IL12RB2: variants seen among roughly 807,000 people sequenced by gnomAD.
The protein encoded by IL12RB2 is interleukin 12 receptor subunit beta 2.
IL12RB2 carries 82 observed loss-of-function variants against 89.4 expected under a neutral mutation model. That is an observed-to-expected ratio of 0.92 (90% confidence interval 0.77 to 1.10). The LOEUF (loss-of-function observed/expected upper bound fraction) is 1.10, where lower values mean the gene tolerates loss of function less well. IL12RB2 is among the 50% of genes least tolerant of loss of function. The probability of loss-of-function intolerance (pLI) is 0.00; values close to 1 mark genes in which losing one functional copy is unlikely to be tolerated. For missense variants in IL12RB2, 963 were observed against 1,031.9 expected, an observed-to-expected ratio of 0.93 and a Z score of 0.92; for synonymous variants, 368 against 370.1, an observed-to-expected ratio of 0.99 and a Z score of 0.07.
chr1:67,347,593 G>A (rs1037452355), intron 9 of IL12RB2, among the ~76,000 whole-genome samples: 4 of 152,166 alleles, frequency 2.6e-5, no homozygotes, highest in Non-Finnish European at 4.4e-5. Flanking sequence ...TCACTCTTCA[G>A]TTCTCAGACA....
chr1:67,349,226 T>A (rs553095031), intron 9 of IL12RB2, among the ~76,000 whole-genome samples: 1 of 152,336 alleles, frequency 6.6e-6, no homozygotes, highest in East Asian at 1.9e-4. Context: ...AATGTTAGCG[T>A]TGGACTGAAG....
intron 13 of IL12RB2, among the ~76,000 whole-genome samples, chr1:67,377,540 CTTTAT>C (rs1000820282): frequency 1.3e-4 from 20 of 152,156 alleles, no homozygotes; most frequent in Admixed American, 2.0e-4. Context: ...CACATGCTTA[CTTTAT>C]TTTATGTCAA....
chr1:67,360,009 A>G (rs72678541), intron 10 of IL12RB2, among the ~76,000 whole-genome samples: 4 of 152,060 alleles, frequency 2.6e-5, no homozygotes, highest in African/African-American at 9.7e-5. Context: ...GTAACTCACA[A>G]ATTGCTGGAG....
intron 4 of IL12RB2, among the ~76,000 whole-genome samples, chr1:67,322,345 G>A (rs1656656892): frequency 6.6e-6 from 1 of 150,814 alleles, no homozygotes; most frequent in African/African-American, 2.4e-5. Context: ...TGCTCACCCG[G>A]ACCACTGGTT....
chr1:67,381,267 A>G (rs570427345), intron 14 of IL12RB2, among the ~76,000 whole-genome samples: 35 of 152,314 alleles, frequency 2.3e-4, no homozygotes, highest in Non-Finnish European at 4.9e-4. Context: ...CCCAGCTAGC[A>G]TGGGCTTCCC....
intron 10 of IL12RB2, among the ~76,000 whole-genome samples, chr1:67,367,476 G>GAAGGAAGGAAGGAAGGA (rs1277202037): frequency 8.6e-5 from 12 of 140,070 alleles, no homozygotes; most frequent in African/African-American, 2.9e-4. Flanking sequence ...AGGAAGGAAG[G>GAAGGAAGGAAGGAAGGA]AAGGAAGGAA....
At chr1:67,378,864 AAAAAAAAAAT>A (rs1664260789) in intron 13 of IL12RB2, among the ~76,000 whole-genome samples, 1 of 149,460 alleles carries the variant, frequency 6.7e-6, no homozygotes, top group Non-Finnish European at 1.5e-5. Flanking sequence ...AAAAAAAAAA[AAAAAAAAAAT>A]GTTAAGTGAA....
intron 10 of IL12RB2, among the ~76,000 whole-genome samples, chr1:67,365,933 T>C (rs1294530338): frequency 6.6e-6 from 1 of 152,094 alleles, no homozygotes; most frequent in Non-Finnish European, 1.5e-5. Flanking sequence ...AACATCAAAG[T>C]AGCTATATAT....
rs778124454 is a variant in IL12RB2 at position 67,372,777 on chromosome 1, C to T, written c.1711C>T (p.Leu571Phe). Residue 571 changes from leucine to phenylalanine, a missense_variant, in exon 13 of 17, where the codon CTC becomes TTC. Leu to Phe is a conservative substitution (Grantham distance 22, BLOSUM62 0). Transcript: ENST00000674203. ...KERDSNSQPQ[L>F]CEIPYRVSQN... ...ACGGGACTCCAACTCCCAGCCTCAG[C>T]TCTGTGGTATGTGTGAGAACCAAAT... 4.4e-6 allele frequency: 7 copies of T among 1,605,626 alleles called. No individual in the cohort carries two copies. In the South Asian group the frequency reaches 7.7e-5, roughly 18 times the overall value.
intron 9 of IL12RB2, among the ~76,000 whole-genome samples, chr1:67,349,622 G>T (rs907125262): frequency 1.3e-5 from 2 of 152,150 alleles, no homozygotes; most frequent in African/African-American, 4.8e-5. Flanking sequence ...CATCCACCTC[G>T]TGCACTGACT....
intron 9 of IL12RB2, among the ~76,000 whole-genome samples, chr1:67,344,863 T>A (rs1168259242): frequency 6.6e-6 from 1 of 152,112 alleles, no homozygotes; most frequent in Non-Finnish European, 1.5e-5. Context: ...ACAGCTTCTG[T>A]GTTTTCAGAG....
chr1:67,392,029 AC>A, intron 16 of IL12RB2, among the ~76,000 whole-genome samples: 1 of 152,276 alleles, frequency 6.6e-6, no homozygotes, highest in African/African-American at 2.4e-5. Flanking sequence ...GTCAGCGAGT[AC>A]ATGGTGGATC....
chr1:67,385,009 A>T (rs1373710944), intron 14 of IL12RB2, among the ~76,000 whole-genome samples: 1 of 152,182 alleles, frequency 6.6e-6, no homozygotes, highest in Non-Finnish European at 1.5e-5. Context: ...TCTTCTTCTG[A>T]GCCTTCCAAA....
At chr1:67,327,688 G>T (rs1657517543) in intron 5 of IL12RB2, among the ~76,000 whole-genome samples, 2 of 152,192 alleles carry the variant, frequency 1.3e-5, no homozygotes, top group South Asian at 4.1e-4. Flanking sequence ...CAGCTGATTT[G>T]TGCTATTCCT....
chr1:67,382,757 G>A (rs978505286), intron 14 of IL12RB2, among the ~76,000 whole-genome samples: 7 of 148,648 alleles, frequency 4.7e-5, no homozygotes, highest in Non-Finnish European at 7.4e-5. Context: ...CCAGGCTGGA[G>A]TATAGTGGCA....
chr1:67,350,282 G>A (rs1416800157), intron 9 of IL12RB2, among the ~76,000 whole-genome samples: 4 of 152,220 alleles, frequency 2.6e-5, no homozygotes, highest in Non-Finnish European at 4.4e-5. Context: ...TGGAATTTTT[G>A]CAGTTCCAAA....
At chr1:67,316,900 A>C (rs555250402) in intron 2 of IL12RB2, among the ~76,000 whole-genome samples, 28 of 152,172 alleles carry the variant, frequency 1.8e-4, no homozygotes, top group Admixed American at 1.8e-3. Context: ...TGTTGCTTAT[A>C]TTTTTGTTTT....
At chr1:67,323,758 A>G (rs1046224237) in intron 4 of IL12RB2, among the ~76,000 whole-genome samples, 1 of 152,218 alleles carries the variant, frequency 6.6e-6, no homozygotes, top group Non-Finnish European at 1.5e-5. Context: ...ATTAGACAAG[A>G]AGGAATAAAA....
chr1:67,329,423 C>A (rs942329928), intron 6 of IL12RB2, among the ~76,000 whole-genome samples, 164 bp from the exon 7 acceptor site: 5 of 152,164 alleles, frequency 3.3e-5, no homozygotes, highest in Admixed American at 3.3e-4. Context: ...TAAAAAAGTT[C>A]TTTCTTAAAG....
Sources: gnomAD v4.1 joint callset for allele counts (sites outside exome capture counted in the v4.1 genomes callset) on GRCh38, gnomAD v4.1.1 for gene constraint, MANE v1.5 for transcripts, NCBI Gene and HGNC (gene_info 2026-07-23, HGNC 2026-07-21) for gene names.